The following AOC2 variants were observed in gnomAD, a reference collection of about 807,000 sequenced individuals.
AOC2 encodes the protein amine oxidase copper containing 2.
AOC2 carries 57 observed loss-of-function variants against 53.8 expected under a neutral mutation model. That is an observed-to-expected ratio of 1.06 (90% CI 0.86 to 1.32). The LOEUF is 1.32. AOC2 is among the 40% of genes most tolerant of loss of function. The pLI is 0.00. For synonymous variants in AOC2, 404 were observed against 399.0 expected, an observed-to-expected ratio of 1.01 and a Z score of -0.15; for missense variants, 1,008 against 957.2, an observed-to-expected ratio of 1.05 and a Z score of -0.70.
chr17:42,850,178 C>A lies in AOC2; in HGVS notation c.2101C>A (p.Leu701Ile). 6.2e-7 allele frequency: 1 copy of A among 1,614,180 alleles called. No homozygotes were observed. Among genetic ancestry groups the A allele is most frequent in the South Asian group, 1.1e-5 (1 of 91,082 alleles). ...TCTGGGGAACAGAGTTGGCTTCTTGCTCCGACCCTATAACTTCTTTGATGA... is the reference window on the plus strand; with the variant it reads ...TCTGGGGAACAGAGTTGGCTTCTTGATCCGACCCTATAACTTCTTTGATGA... ...VTLGNRVGFL[L>I]RPYNFFDEDP... Residue 701 changes from leucine (L) to isoleucine (I), a missense_variant, in exon 4 of 4, where the codon CTC becomes ATC. Leu to Ile is a conservative substitution (Grantham distance 5). Transcript: ENST00000253799.
intron 1 of AOC2, 68 bp downstream of exon 1, chr17:42,846,282 G>C: frequency 9.8e-6 from 14 of 1,429,926 alleles, no homozygotes; most frequent in South Asian, 1.4e-5. Flanking sequence ...GAAGGGAAGG[G>C]AATCTCCCAG....
At chr17:42,846,710 C>T (rs913675917) in intron 1 of AOC2, among the ~76,000 whole-genome samples, 1 of 152,126 alleles carries the variant, frequency 6.6e-6, no homozygotes, top group African/African-American at 2.4e-5. Flanking sequence ...GGGGTTGCTC[C>T]CCAGGATAGG....
In AOC2 at chr17:42,849,173, A is replaced by G. The variant is rs1484267569; in HGVS notation, c.1676A>G (p.Gln559Arg). ...WNPEHWLQRP[Q>R]LTRQVLGKED... Reference sequence around the variant, plus strand: ...CCGGAGCACTGGCTACAGCGCCCACAGCTGACTCGGCAGGTCCTGGGAAAG... The same window carrying G: ...CCGGAGCACTGGCTACAGCGCCCACGGCTGACTCGGCAGGTCCTGGGAAAG... The change falls in exon 2 of 4, where the codon CAG becomes CGG. Residue 559 changes from glutamine to arginine, a missense_variant. Gln to Arg is a conservative substitution (Grantham distance 43, BLOSUM62 1). Coordinates refer to ENST00000253799, the MANE Select transcript of AOC2 (RefSeq NM_009590.4). 3 of 1,614,096 alleles carry G rather than the reference A, an allele frequency of 1.9e-6. No homozygotes were observed. Among genetic ancestry groups the G allele is most frequent in the Non-Finnish European group, 2.5e-6 (3 of 1,180,038 alleles).
chr17:42,846,176 C>T lies in AOC2; in HGVS notation c.1550C>T (p.Thr517Ile). ...GAAAGAGTGCTGGGAACGGTGCACA[C>T]ACATGCCTTCCACTTCAAGCTGGAC... Reference protein sequence around the residue: ...VGERVLGTVHTHAFHFKLDLD... With the variant: ...VGERVLGTVHIHAFHFKLDLD... Residue 517 changes from threonine to isoleucine, a missense_variant, in exon 1 of 4, where the codon ACA (threonine) becomes ATA (isoleucine). Thr to Ile is a moderately conservative substitution (Grantham distance 89). Coordinates refer to ENST00000253799, the MANE Select transcript of AOC2 (RefSeq NM_009590.4). 1 of 1,531,928 alleles carries T rather than the reference C, an allele frequency of 6.5e-7. No homozygotes were observed. The highest frequency in any genetic ancestry group is 8.8e-7 in the Non-Finnish European group (1 of 1,139,504). The allele number at this position is 1,531,928 out of a possible 1,614,324, so 94.9% of individuals were successfully genotyped here.
At position 42,845,097 on chromosome 17, in the gene AOC2, C is replaced by T. The variant is rs754940282; in HGVS notation, c.471C>T (p.Gly157=). The T allele has an allele frequency of 8.1e-6, 13 of 1,613,712 alleles. No homozygotes were observed. Among genetic ancestry groups the T allele is most frequent in the South Asian group, 1.1e-5 (1 of 91,088 alleles). Residue 157 remains glycine, a synonymous_variant, in exon 1 of 4, where the codon GGC becomes GGT. Coordinates refer to ENST00000253799, the MANE Select transcript of AOC2 (RefSeq NM_009590.4). ...YMRDVTVERH[G]GPLPYHRRPV... is the part of the protein sequence containing the mutation. ...GGGATGTGACTGTGGAGCGTCACGG[C>T]GGGCCCCTGCCCTATCACCGTCGCC...
At position 42,845,553 on chromosome 17, in the gene AOC2, G is replaced by T. The variant is rs1412399257; in HGVS notation, c.927G>T (p.Gln309His). 1.2e-6 allele frequency: 2 copies of T among 1,614,186 alleles called. No individual in the cohort carries two copies. Among genetic ancestry groups the T allele is most frequent in the Non-Finnish European group, 1.7e-6 (2 of 1,180,026 alleles). Residue 309 changes from glutamine (Q) to histidine (H), a missense_variant, in exon 1 of 4, where the codon CAG becomes CAT. Physicochemically the swap from Gln to His is conservative, Grantham distance 24. Transcript: ENST00000253799. ...RNSPGPLPPL[Q>H]FSPQGSQYSV... ...CTCCAGGTCCTCTTCCCCCTCTTCA[G>T]TTCTCGCCCCAGGGTTCCCAGTACA... is the stretch of plus-strand genomic sequence containing the variant.
chr17:42,849,449 C>T, intron 2 of AOC2, 78 bp downstream of exon 2: 1 of 1,575,542 alleles, frequency 6.3e-7, no homozygotes, highest in East Asian at 2.2e-5. Flanking sequence ...AACTCCCTTC[C>T]CACGGCTACC....
chr17:42,845,440 G>A lies in AOC2; in HGVS notation c.814G>A (p.Glu272Lys). Reference protein sequence around the residue: ...GHYYADLGQLEREFKSGRLEV... With the variant: ...GHYYADLGQLKREFKSGRLEV... ...CTACTATGCAGACTTGGGCCAGTTGGAACGGGAGTTTAAGTCTGGCCGGTT... is the reference window on the plus strand; with the variant it reads ...CTACTATGCAGACTTGGGCCAGTTGAAACGGGAGTTTAAGTCTGGCCGGTT... Residue 272 changes from glutamate to lysine, a missense_variant, in exon 1 of 4, where the codon GAA (glutamate) becomes AAA (lysine). Glu to Lys is a moderately conservative substitution (Grantham distance 56). Transcript: ENST00000253799. 1 of 1,614,184 alleles carries A rather than the reference G, an allele frequency of 6.2e-7. No individual in the cohort carries two copies. The highest frequency in any genetic ancestry group is 8.5e-7 in the Non-Finnish European group (1 of 1,180,040).
In AOC2 at chr17:42,850,254, A is replaced by G. The variant is rs748949528; in HGVS notation, c.2177A>G (p.Asp726Gly). 1 of 1,614,146 alleles carries G rather than the reference A, an allele frequency of 6.2e-7. No homozygotes were observed. Among genetic ancestry groups the G allele is most frequent in the South Asian group, 1.1e-5 (1 of 91,078 alleles). ...PGSVYFEKGQ[D>G]AGLCSINPVA... ...AGTGTCTACTTTGAGAAGGGCCAGG[A>G]TGCTGGGCTCTGCAGCATCAATCCT... The change falls in exon 4 of 4, where the codon GAT (aspartate) becomes GGT (glycine). Residue 726 changes from aspartate (D) to glycine (G), a missense_variant. Asp to Gly is a moderately conservative substitution (Grantham distance 94). Transcript: ENST00000253799.
rs775599309 is a variant in AOC2, at chr17:42,844,996, G to A, written c.370G>A (p.Val124Ile). The A allele has an allele frequency of 1.4e-5, 22 of 1,612,136 alleles. No individual in the cohort carries two copies. The highest frequency in any genetic ancestry group is 1.6e-4 in the Middle Eastern group (1 of 6,080). The stretch of plus-strand genomic sequence containing the variant: ...ACCTGCCCGGGAGGCACTGGCCATC[G>A]TCCTCTTTGGTGGACAACCCCAACC... Reference protein sequence around the residue: ...PPPAREALAIVLFGGQPQPNV... With the variant: ...PPPAREALAIILFGGQPQPNV... Residue 124 changes from valine to isoleucine, a missense_variant, in exon 1 of 4, where the codon GTC (valine) becomes ATC (isoleucine). By Grantham distance (29) the Val-to-Ile change is conservative (BLOSUM62 3). Coordinates refer to ENST00000253799, the MANE Select transcript of AOC2 (RefSeq NM_009590.4).
rs1313514149 is a variant in AOC2 at position 42,850,182 on chromosome 17, G to C, written c.2105G>C (p.Arg702Pro). 6.2e-7 allele frequency: 1 copy of C among 1,614,104 alleles called. No individual in the cohort carries two copies. The highest frequency in any genetic ancestry group is 8.5e-7 in the Non-Finnish European group (1 of 1,180,030). ...TLGNRVGFLL[R>P]PYNFFDEDPS... Reference sequence around the variant, plus strand: ...GGGAACAGAGTTGGCTTCTTGCTCCGACCCTATAACTTCTTTGATGAGGAC... The same window carrying C: ...GGGAACAGAGTTGGCTTCTTGCTCCCACCCTATAACTTCTTTGATGAGGAC... The change falls in exon 4 of 4, where the codon CGA becomes CCA. Residue 702 changes from arginine to proline, a missense_variant. Physicochemically the swap from Arg to Pro is moderately radical, Grantham distance 103 (BLOSUM62 -2). Coordinates refer to ENST00000253799, the MANE Select transcript of AOC2 (RefSeq NM_009590.4).
rs1344359482 is a variant in AOC2 at position 42,845,601 on chromosome 17, A to T, written c.975A>T (p.Val325=). 6.2e-7 allele frequency: 1 copy of T among 1,614,162 alleles called. No individual in the cohort carries two copies. The highest frequency in any genetic ancestry group is 1.7e-5 in the Admixed American group (1 of 60,016). Residue 325 remains valine (V), a synonymous_variant, in exon 1 of 4, where the codon GTA becomes GTT. Coordinates refer to ENST00000253799, the MANE Select transcript of AOC2 (RefSeq NM_009590.4). ...ACAGTGTGCAAGGAAACCTGGTGGT[A>T]TCCTCCCTCTGGTCATTTACCTTTG... The part of the protein sequence containing the change: ...SQYSVQGNLV[V]SSLWSFTFGH...
rs113413633 is a variant in AOC2, at chr17:42,846,206, A to G, written c.1580A>G (p.Asp527Gly). Residue 527 changes from aspartate to glycine, a missense_variant, in exon 1 of 4, where the codon GAT becomes GGT. Physicochemically the swap from Asp to Gly is moderately conservative, Grantham distance 94. Coordinates refer to ENST00000253799, the MANE Select transcript of AOC2 (RefSeq NM_009590.4). ...THAFHFKLDL[D>G]VAGLKNWVVA... ...GCCTTCCACTTCAAGCTGGACCTGGATGTGGCAGGTGAGTGCTGAGGGGAT... is the reference window on the plus strand; with the variant it reads ...GCCTTCCACTTCAAGCTGGACCTGGGTGTGGCAGGTGAGTGCTGAGGGGAT... The G allele has an allele frequency of 7.6e-7, 1 of 1,311,472 alleles. No individual in the cohort carries two copies. Among genetic ancestry groups the G allele is most frequent in the Non-Finnish European group, 1.0e-6 (1 of 1,002,480 alleles). The allele number at this position is 1,311,472 out of a possible 1,614,324, so 81.2% of individuals were successfully genotyped here. A position where few individuals can be genotyped will look rare whatever the true frequency, so the allele number is the denominator to read the frequency against.
intron 1 of AOC2, among the ~76,000 whole-genome samples, chr17:42,848,557 A>ATG (rs2055618161): frequency 7.0e-6 from 1 of 143,350 alleles, no homozygotes; most frequent in African/African-American, 2.7e-5. Context: ...ATATATATAT[A>ATG]TATATATATT....
In AOC2 at chr17:42,845,757, C is replaced by G. The variant is rs774874080; in HGVS notation, c.1131C>G (p.Arg377=). The part of the protein sequence containing the change: ...GADSPKTMLT[R]YLDSSFGLGR... Reference sequence around the variant, plus strand: ...ATTCACCCAAGACGATGCTGACTCGCTATTTGGATAGCAGCTTTGGACTCG... The same window carrying G: ...ATTCACCCAAGACGATGCTGACTCGGTATTTGGATAGCAGCTTTGGACTCG... Residue 377 remains arginine (R), a synonymous_variant, in exon 1 of 4, where the codon CGC becomes CGG. Coordinates refer to ENST00000253799, the MANE Select transcript of AOC2 (RefSeq NM_009590.4). 8 of 1,614,064 alleles carry G rather than the reference C, an allele frequency of 5.0e-6. No homozygotes were observed. In the South Asian group the frequency reaches 8.8e-5, roughly 18 times the overall value.
intron 1 of AOC2, among the ~76,000 whole-genome samples, chr17:42,848,563 A>G (rs940375212): frequency 1.4e-5 from 2 of 145,478 alleles, no homozygotes; most frequent in African/African-American, 5.2e-5. Flanking sequence ...ATATATATAT[A>G]TATTTTAGAC....
In AOC2 at chr17:42,849,356, C is replaced by T. The variant is rs2055627508; in HGVS notation, c.1859C>T (p.Ala620Val). 6.2e-7 allele frequency: 1 copy of T among 1,611,656 alleles called. No individual in the cohort carries two copies. The highest frequency in any genetic ancestry group is 1.3e-5 in the African/African-American group (1 of 74,974). Residue 620 changes from alanine (A) to valine (V), a missense_variant, in exon 2 of 4, where the codon GCC (alanine) becomes GTC (valine). Physicochemically the swap from Ala to Val is moderately conservative, Grantham distance 64. Coordinates refer to ENST00000253799, the MANE Select transcript of AOC2 (RefSeq NM_009590.4). The stretch of plus-strand genomic sequence containing the variant: ...CCCCTGGAGAGTGACATGGAGAGGG[C>T]CCTCAGCTGGGGGAGGTGAGGAGGG... ...HIPLESDMERALSWGRYQLVV... is the reference protein window; with the variant it reads ...HIPLESDMERVLSWGRYQLVV...
At chr17:42,846,648 T>G (rs1333738525) in intron 1 of AOC2, among the ~76,000 whole-genome samples, 1 of 151,270 alleles carries the variant, frequency 6.6e-6, no homozygotes, top group Non-Finnish European at 1.5e-5. Flanking sequence ...CTGTCCAGAG[T>G]CTTCAGGGTG....
chr17:42,848,569 TAGAC>T (rs937127067), intron 1 of AOC2, among the ~76,000 whole-genome samples: 1 of 137,890 alleles, frequency 7.3e-6, no homozygotes, highest in African/African-American at 3.2e-5. Context: ...ATATATATTT[TAGAC>T]AGAGTCTTGC....
Sources: gnomAD v4.1 joint callset for allele counts (sites outside exome capture counted in the v4.1 genomes callset) on GRCh38, gnomAD v4.1.1 for gene constraint, MANE v1.5 for transcripts, NCBI Gene and HGNC (gene_info 2026-07-23, HGNC 2026-07-21) for gene names.